MRPL47: variants seen among roughly 807,000 people sequenced by gnomAD.
MRPL47 encodes the protein large ribosomal subunit protein uL29m.
MRPL47 carries 31 observed loss-of-function variants against 34.0 expected under a neutral mutation model. The ratio of observed to expected loss-of-function variants is 0.91; its 90% confidence interval spans 0.68 to 1.23. The LOEUF is 1.23. Ranked by LOEUF, MRPL47 falls within the 50% of genes most tolerant of loss-of-function variation. The pLI, the probability that MRPL47 is intolerant of heterozygous loss-of-function variation, is 0.00. For missense variants in MRPL47, 328 were observed against 285.8 expected, an observed-to-expected ratio of 1.15 and a Z score of -1.07; for synonymous variants, 106 against 101.6, an observed-to-expected ratio of 1.04 and a Z score of -0.26.
chr3:179,595,990 C>A (rs1718780613), intron 4 of MRPL47, among the ~76,000 whole-genome samples: 1 of 152,134 alleles, frequency 6.6e-6, no homozygotes, highest in Non-Finnish European at 1.5e-5. Context: ...AATCTTTCAA[C>A]ATTTGCCTTG....
intron 6 of MRPL47, among the ~76,000 whole-genome samples, chr3:179,592,207 G>GT (rs1478132764): frequency 6.8e-6 from 1 of 148,140 alleles, no homozygotes; most frequent in African/African-American, 2.5e-5. Flanking sequence ...TTGTTTGTTT[G>GT]TTTTTGAGAC....
At chr3:179,592,476 G>C (rs2108379133) in intron 6 of MRPL47, among the ~76,000 whole-genome samples, 168 bp downstream of exon 6, 1 of 152,294 alleles carries the variant, frequency 6.6e-6, no homozygotes, top group Non-Finnish European at 1.5e-5. Flanking sequence ...TTACAGGTGT[G>C]AGCCACCGCA....
chr3:179,601,659 A>G, intron 3 of MRPL47, 71 bp downstream of exon 3: 1 of 910,906 alleles, frequency 1.1e-6, no homozygotes, highest in Non-Finnish European at 1.8e-6. Flanking sequence ...TATCAGATAG[A>G]TTGTTTTCAC....
At chr3:179,591,492 C>T (rs1198516413) in intron 6 of MRPL47, among the ~76,000 whole-genome samples, 1 of 152,138 alleles carries the variant, frequency 6.6e-6, no homozygotes, top group East Asian at 1.9e-4. Flanking sequence ...GTGAGTGGTT[C>T]ATGGGAACAC....
At chr3:179,603,966 TCAA>T (rs1261492014) in intron 1 of MRPL47, among the ~76,000 whole-genome samples, 7 of 140,452 alleles carry the variant, frequency 5.0e-5, no homozygotes, top group Non-Finnish European at 1.1e-4. Context: ...CATCAAAATG[TCAA>T]CAACATTAAG....
chr3:179,594,383 A>G (rs1414572482), intron 4 of MRPL47, among the ~76,000 whole-genome samples: 1 of 152,240 alleles, frequency 6.6e-6, no homozygotes. Context: ...ATGAATCTCC[A>G]AAGATTTATC....
intron 3 of MRPL47, among the ~76,000 whole-genome samples, chr3:179,600,913 A>G (rs2108384704): frequency 6.6e-6 from 1 of 152,354 alleles, no homozygotes; most frequent in Admixed American, 6.5e-5. Context: ...AAACAATTAC[A>G]GTCCAAACAA....
At chr3:179,592,549 C>T in intron 6 of MRPL47, 95 bp downstream of exon 6, 1 of 731,178 alleles carries the variant, frequency 1.4e-6, no homozygotes, top group Non-Finnish European at 2.3e-6. Context: ...AATTTAAAGA[C>T]AGCTTAAGCT....
intron 1 of MRPL47, among the ~76,000 whole-genome samples, chr3:179,603,930 G>A (rs530038301): frequency 9.3e-5 from 13 of 140,470 alleles, no homozygotes; most frequent in Middle Eastern, 3.7e-3. Context: ...AAATCCAAAT[G>A]AATAAGATTC....
rs370619514 is a variant in MRPL47, at chr3:179,602,743, T to C, written c.153A>G (p.Gln51=). ...ACAATGTGGTATGAAGTAATCTATA[T>C]TGGTGAAAGGATGTCACATTTGGTG... ...KSTPNVTSFH[Q]YRLLHTTLSR... Residue 51 remains glutamine, a synonymous_variant, in exon 2 of 7, where the codon CAA becomes CAG. Transcript: ENST00000476781. 7.2e-5 allele frequency: 116 copies of C among 1,612,270 alleles called. 1 individual carries two copies. Among genetic ancestry groups the C allele is most frequent in the Admixed American group, 1.2e-4 (7 of 59,848 alleles).
At chr3:179,589,042 T>G in intron 6 of MRPL47, 47 bp from the exon 7 acceptor site, 1 of 1,557,104 alleles carries the variant, frequency 6.4e-7, no homozygotes, top group Non-Finnish European at 8.7e-7. Context: ...AATATTTCCT[T>G]GTTATTCAAT....
intron 3 of MRPL47, among the ~76,000 whole-genome samples, chr3:179,600,947 G>T (rs942317509): frequency 6.6e-6 from 1 of 152,142 alleles, no homozygotes; most frequent in African/African-American, 2.4e-5. Flanking sequence ...GCTACATATA[G>T]TACATTAAAA....
At chr3:179,599,781 G>A (rs1287889805) in intron 3 of MRPL47, among the ~76,000 whole-genome samples, 1 of 152,212 alleles carries the variant, frequency 6.6e-6, no homozygotes, top group Non-Finnish European at 1.5e-5. Context: ...CAAAGGTACT[G>A]AAGCAGCAGA....
chr3:179,594,039 T>C (rs937586542), intron 4 of MRPL47, 144 bp from the exon 5 acceptor site: 3 of 724,504 alleles, frequency 4.1e-6, no homozygotes, highest in Admixed American at 3.0e-5. Context: ...CCTAAAAATC[T>C]TTTTGGCACA....
chr3:179,602,833 A>G, intron 1 of MRPL47, 36 bp from the exon 2 acceptor site: 1 of 1,503,916 alleles, frequency 6.6e-7, no homozygotes, highest in Non-Finnish European at 9.0e-7. Context: ...TAAAAGTTTT[A>G]TAATATCTGG....
chr3:179,596,878 C>A (rs1463621484), intron 4 of MRPL47, among the ~76,000 whole-genome samples: 2 of 152,180 alleles, frequency 1.3e-5, no homozygotes. Flanking sequence ...CTTGGGATAA[C>A]TGACAAACTC....
chr3:179,589,630 A>C (rs1315137499), intron 6 of MRPL47, among the ~76,000 whole-genome samples: 1 of 152,234 alleles, frequency 6.6e-6, no homozygotes, highest in Non-Finnish European at 1.5e-5. Context: ...AGTTTATATA[A>C]AATACAGCAA....
intron 4 of MRPL47, among the ~76,000 whole-genome samples, chr3:179,595,269 A>G (rs1718767401): frequency 6.6e-6 from 1 of 152,034 alleles, no homozygotes; most frequent in Non-Finnish European, 1.5e-5. Flanking sequence ...GCTGGTCTCA[A>G]ACTCCTTGGG....
chr3:179,604,568 AGATTTCAGGGCGGAT>A lies in MRPL47; in HGVS notation c.42_56del (p.Ala16_Ser20del), dbSNP rs1213098321. 19 of 1,614,120 alleles carry A rather than the reference AGATTTCAGGGCGGAT, an allele frequency of 1.2e-5. No homozygotes were observed. The highest frequency in any genetic ancestry group is 1.6e-5 in the Non-Finnish European group (19 of 1,180,046). The stretch of plus-strand genomic sequence containing the variant: ...CCTGAGGAGTTATTAACGATCGGGA[AGATTTCAGGGCGGAT>A]GAAACTCTCCTACAAAGAAGGGCCA... On this transcript the variant is annotated inframe_deletion, in exon 1 of 7. Coordinates refer to ENST00000476781, the MANE Select transcript of MRPL47 (RefSeq NM_020409.3).
Sources: allele counts gnomAD v4.1 joint callset (sites outside exome capture counted in the v4.1 genomes callset), GRCh38; gene constraint gnomAD v4.1.1; transcripts MANE v1.5; gene names NCBI Gene and HGNC (gene_info 2026-07-23, HGNC 2026-07-21).